The following RETREG1 variants were observed in gnomAD, a reference collection of about 807,000 sequenced individuals.
The protein encoded by RETREG1 is family with sequence similarity 134 member B.
A neutral mutation model predicts 54.8 loss-of-function variants in RETREG1; 44 were observed. The ratio of observed to expected loss-of-function variants is 0.80; its 90% confidence interval spans 0.63 to 1.03. The LOEUF (loss-of-function observed/expected upper bound fraction) is 1.03, where lower values mean the gene tolerates loss of function less well. RETREG1 is among the 50% of genes least tolerant of loss of function. RETREG1 has a pLI of 0.00. For synonymous variants in RETREG1, 217 were observed against 238.5 expected (o/e 0.91, Z 0.83); for missense variants, 554 against 605.1 (o/e 0.92, Z 0.89).
At chr5:16,516,254 T>G (rs966000108) in intron 3 of RETREG1, among the ~76,000 whole-genome samples, 3 of 152,162 alleles carry the variant, frequency 2.0e-5, no homozygotes, top group East Asian at 1.9e-4. Context: ...CCCTTCGAGG[T>G]AGAGATAGCT....
At chr5:16,600,817 A>G (rs890974141) in intron 1 of RETREG1, among the ~76,000 whole-genome samples, 3 of 152,232 alleles carry the variant, frequency 2.0e-5, no homozygotes, top group Admixed American at 6.5e-5. Flanking sequence ...AACCTCGAAT[A>G]AACTATCTTC....
At chr5:16,583,909 A>T (rs1191995401) in intron 1 of RETREG1, among the ~76,000 whole-genome samples, 2 of 152,206 alleles carry the variant, frequency 1.3e-5, no homozygotes, top group Non-Finnish European at 2.9e-5. Flanking sequence ...TAAAATGGAG[A>T]TCCAAAAATA....
At position 16,510,803 on chromosome 5, in the gene RETREG1, GAAC is replaced by G. The variant is rs1380194626; in HGVS notation, c.459-27334_459-27332del. ...AGAACCTGTCTCGAAAAAACAACAA[GAAC>G]AACAACAACAACAAAAAAAAAAAAA... is the stretch of plus-strand genomic sequence containing the variant. On this transcript the variant is annotated intron_variant, in intron 3 of 8. Coordinates refer to ENST00000306320, the MANE Select transcript of RETREG1 (RefSeq NM_001034850.3). 7.9e-3 allele frequency among the ~76,000 whole-genome samples: 583 copies of G among 73,468 alleles called. 9 individuals are homozygous for G. The highest frequency in any genetic ancestry group is 0.021 in the African/African-American group (398 of 19,250). The allele number at this position is 73,468 out of a possible 152,430, so 48.2% of individuals were successfully genotyped here.
intron 3 of RETREG1, among the ~76,000 whole-genome samples, chr5:16,527,147 C>T (rs998384249): frequency 1.3e-5 from 2 of 152,168 alleles, no homozygotes; most frequent in African/African-American, 4.8e-5. Flanking sequence ...TTAAATTTGT[C>T]GACCTCAGAA....
At chr5:16,500,789 A>C (rs1739677625) in intron 3 of RETREG1, among the ~76,000 whole-genome samples, 1 of 152,092 alleles carries the variant, frequency 6.6e-6, no homozygotes, top group Non-Finnish European at 1.5e-5. Flanking sequence ...AAGCAATCCT[A>C]GGAAGGGTCA....
chr5:16,522,029 C>T (rs1004823598), intron 3 of RETREG1, among the ~76,000 whole-genome samples: 13 of 152,150 alleles, frequency 8.5e-5, no homozygotes, highest in African/African-American at 3.1e-4. Context: ...CACCTGCTGA[C>T]CCAGCCTTGA....
At chr5:16,479,593 A>G (rs1023057683) in intron 5 of RETREG1, among the ~76,000 whole-genome samples, 1 of 152,098 alleles carries the variant, frequency 6.6e-6, no homozygotes, top group Non-Finnish European at 1.5e-5. Flanking sequence ...CCTCCTAAAC[A>G]ATGTCATCAT....
chr5:16,606,240 G>C (rs528975145), intron 1 of RETREG1, among the ~76,000 whole-genome samples: 1 of 152,150 alleles, frequency 6.6e-6, no homozygotes, highest in East Asian at 1.9e-4. Context: ...GATGACATTC[G>C]TGATCGCCAC....
chr5:16,576,790 T>C (rs951153048), intron 1 of RETREG1, among the ~76,000 whole-genome samples: 1 of 151,478 alleles, frequency 6.6e-6, no homozygotes, highest in African/African-American at 2.4e-5. Flanking sequence ...CCAATGTTTG[T>C]ATCTTTAGTA....
chr5:16,483,064 T>A (rs1738867779), intron 4 of RETREG1: 1 of 380,348 alleles, frequency 2.6e-6, no homozygotes. Context: ...GTTTTCTCCC[T>A]AGTCTTGCTG....
intron 3 of RETREG1, among the ~76,000 whole-genome samples, chr5:16,557,494 G>A (rs138397860): frequency 6.6e-6 from 1 of 152,304 alleles, no homozygotes; most frequent in African/African-American, 2.4e-5. Context: ...TGTAGAACTT[G>A]GAGAAACTTT....
chr5:16,508,216 A>T (rs1740037046), intron 3 of RETREG1, among the ~76,000 whole-genome samples: 1 of 152,264 alleles, frequency 6.6e-6, no homozygotes, highest in South Asian at 2.1e-4. Flanking sequence ...ATAGGTTTTT[A>T]AAAATGTTCA....
chr5:16,542,597 G>C (rs1050620210), intron 3 of RETREG1, among the ~76,000 whole-genome samples: 4 of 152,132 alleles, frequency 2.6e-5, no homozygotes, highest in Admixed American at 1.3e-4. Context: ...GTCTACACTT[G>C]TCCATCTGTG....
At chr5:16,498,270 G>A (rs572020380) in intron 3 of RETREG1, among the ~76,000 whole-genome samples, 1 of 152,284 alleles carries the variant, frequency 6.6e-6, no homozygotes, top group Non-Finnish European at 1.5e-5. Flanking sequence ...ACTACGTACC[G>A]AGGCTATAGG....
intron 3 of RETREG1, among the ~76,000 whole-genome samples, chr5:16,512,408 T>C (rs1490035997): frequency 2.0e-5 from 3 of 152,156 alleles, no homozygotes; most frequent in African/African-American, 2.4e-5. Flanking sequence ...TTCCTGTATA[T>C]ACTCTCTTTC....
chr5:16,531,686 C>T (rs1444089215), intron 3 of RETREG1, among the ~76,000 whole-genome samples: 1 of 152,038 alleles, frequency 6.6e-6, no homozygotes, highest in Non-Finnish European at 1.5e-5. Flanking sequence ...AGGAAAATTC[C>T]AGGCAGAAGC....
chr5:16,607,533 G>A (rs188231407), intron 1 of RETREG1, among the ~76,000 whole-genome samples: 2 of 152,114 alleles, frequency 1.3e-5, no homozygotes, highest in East Asian at 3.9e-4. Context: ...AGAATCGCTT[G>A]AACCCAGGAG....
At chr5:16,480,706 G>A (rs1184344899) in intron 5 of RETREG1, among the ~76,000 whole-genome samples, 6 of 152,180 alleles carry the variant, frequency 3.9e-5, no homozygotes, top group African/African-American at 7.2e-5. Flanking sequence ...GAACACGCAC[G>A]AAGGCAAAGG....
At chr5:16,548,863 A>G (rs554812166) in intron 3 of RETREG1, among the ~76,000 whole-genome samples, 1 of 152,350 alleles carries the variant, frequency 6.6e-6, no homozygotes, top group Admixed American at 6.5e-5. Context: ...TGAGAAATAA[A>G]TATCTGTTAT....
Sources: allele counts gnomAD v4.1 joint callset (sites outside exome capture counted in the v4.1 genomes callset), GRCh38; gene constraint gnomAD v4.1.1; transcripts MANE v1.5; gene names NCBI Gene and HGNC (gene_info 2026-07-23, HGNC 2026-07-21).